AZGP1: variants seen among roughly 807,000 people sequenced by gnomAD.
AZGP1 encodes zinc-alpha-2-glycoprotein.
AZGP1 carries 28 observed loss-of-function variants against 31.5 expected under a neutral mutation model. That is an observed-to-expected ratio of 0.89 (90% CI 0.66 to 1.22). AZGP1 has a LOEUF of 1.22. Among genes scored for constraint, AZGP1 ranks in the 50% most tolerant of loss-of-function variants. The probability of loss-of-function intolerance (pLI) is 0.00; values close to 1 mark genes in which losing one functional copy is unlikely to be tolerated. For missense variants in AZGP1, 361 were observed against 371.8 expected (o/e 0.97, Z 0.24); for synonymous variants, 135 against 145.4 (o/e 0.93, Z 0.51).
At position 99,966,935 on chromosome 7, in the gene AZGP1, G is replaced by A. The variant is rs1395085105; in HGVS notation, c.*68C>T. On this transcript the variant is annotated 3_prime_UTR_variant, in exon 4 of 4. Transcript: ENST00000292401. ...CATTGACTGTGATTTCTGTGGTTCA[G>A]CTCCCACATCAGGCAGGAAGGGCAG... is the stretch of plus-strand genomic sequence containing the variant. 2.6e-6 allele frequency: 4 copies of A among 1,556,796 alleles called. No individual in the cohort carries two copies. The highest frequency in any genetic ancestry group is 2.0e-4 in the Middle Eastern group (1 of 4,920).
At chr7:99,970,884 G>C (rs1789565917) in intron 2 of AZGP1, among the ~76,000 whole-genome samples, 1 of 152,210 alleles carries the variant, frequency 6.6e-6, no homozygotes, top group African/African-American at 2.4e-5. Context: ...CCTGAGGTTG[G>C]CTGCCTTGGG....
intron 2 of AZGP1, among the ~76,000 whole-genome samples, chr7:99,970,793 A>G (rs543919933): frequency 6.6e-6 from 1 of 152,246 alleles, no homozygotes; most frequent in South Asian, 2.1e-4. Context: ...GATCCCATGT[A>G]GCACCTTGGG....
intron 2 of AZGP1, among the ~76,000 whole-genome samples, chr7:99,971,058 CCACA>C (rs1789569080): frequency 1.3e-5 from 2 of 152,144 alleles, no homozygotes; most frequent in Non-Finnish European, 2.9e-5. Flanking sequence ...CTCTAACAGC[CCACA>C]GTTTTGAATC....
chr7:99,968,202 G>A lies in AZGP1; in HGVS notation c.566C>T (p.Thr189Ile), dbSNP rs1349315826. ...KAYLEEECPA[T>I]LRKYLKYSKN... Reference sequence around the variant, plus strand: ...GCTGTATTTCAGGTATTTCCGCAGAGTCGCAGGGCACTCCTCCTCCAGGTA... The same window carrying A: ...GCTGTATTTCAGGTATTTCCGCAGAATCGCAGGGCACTCCTCCTCCAGGTA... The change falls in exon 3 of 4, where the codon ACT (threonine) becomes ATT (isoleucine). Residue 189 changes from threonine (T) to isoleucine (I), a missense_variant. Thr to Ile is a moderately conservative substitution (Grantham distance 89). Coordinates refer to ENST00000292401, the MANE Select transcript of AZGP1 (RefSeq NM_001185.4). The A allele has an allele frequency of 1.2e-6, 2 of 1,613,858 alleles. No individual in the cohort carries two copies. The highest frequency in any genetic ancestry group is 1.7e-6 in the Non-Finnish European group (2 of 1,179,982).
rs1171096488 is a variant in AZGP1, at chr7:99,971,759, G to A, written c.324C>T (p.Tyr108=). 1.9e-6 allele frequency: 3 copies of A among 1,613,870 alleles called. No individual in the cohort carries two copies. The African/African-American group carries it at 4.0e-5, about 22-fold the overall frequency. ...METLKDIVEY[Y]NDSNGSHVLQ... is the part of the protein sequence containing the mutation. ...TTATTCACTGACCGTTACTGTCGTT[G>A]TAATACTCCACGATGTCTTTCAGGG... Residue 108 remains tyrosine (Y), a synonymous_variant, in exon 2 of 4, where the codon TAC becomes TAT. Transcript: ENST00000292401.
chr7:99,973,258 T>G (rs1789609292), intron 1 of AZGP1, among the ~76,000 whole-genome samples: 1 of 152,082 alleles, frequency 6.6e-6, no homozygotes, highest in Admixed American at 6.5e-5. Context: ...AGCTCAGAAT[T>G]CCCGGGGTTG....
At position 99,968,151 on chromosome 7, in the gene AZGP1, G is replaced by C; in HGVS notation, c.613+4C>G. The C allele has an allele frequency of 6.2e-7, 1 of 1,613,848 alleles. No individual in the cohort carries two copies. The highest frequency in any genetic ancestry group is 8.5e-7 in the Non-Finnish European group (1 of 1,179,990). On this transcript the variant is annotated splice_donor_region_variant and intron_variant, in intron 3 of 3. Transcript: ENST00000292401. ...AGTACTGGGGAGCAGGAAGCAGTGA[G>C]TACCTTGCCGGTCCAGGATATTTTT...
In AZGP1 at chr7:99,966,762, T is replaced by A. The variant is rs552760615; in HGVS notation, c.*241A>T. ...CAAGGAGGGATGATTATTTATTAGC[T>A]TCTACAGATTAGACAATGGGGTGGG... On this transcript the variant is annotated 3_prime_UTR_variant, in exon 4 of 4. Transcript: ENST00000292401. 44 of 590,856 alleles carry A rather than the reference T, an allele frequency of 7.4e-5. No individual in the cohort carries two copies. The South Asian group carries it at 8.6e-4, about 11-fold the overall frequency. 36.6% of individuals were successfully genotyped at this position (590,856 alleles called of 1,614,324 possible). A position where few individuals can be genotyped will look rare whatever the true frequency, so the allele number is the denominator to read the frequency against.
Position 99,971,930 on chromosome 7 carries a change from G to A in AZGP1, c.153C>T (p.Gly51=), listed in dbSNP as rs766018614. 1 of 1,614,148 alleles carries A rather than the reference G, an allele frequency of 6.2e-7. No homozygotes were observed. Among genetic ancestry groups the A allele is most frequent in the Non-Finnish European group, 8.5e-7 (1 of 1,179,994 alleles). Residue 51 remains glycine (G), a synonymous_variant, in exon 2 of 4, where the codon GGC becomes GGT. Transcript: ENST00000292401. The stretch of plus-strand genomic sequence containing the variant: ...TAAAGAACTGGAGGTCATTGAGTGA[G>A]CCAAGGGCCTGAAACGCGGGGACGT... The part of the protein sequence containing the change: ...VEDVPAFQAL[G]SLNDLQFFRY...
At chr7:99,970,462 C>A (rs1011807054) in intron 2 of AZGP1, among the ~76,000 whole-genome samples, 1 of 151,998 alleles carries the variant, frequency 6.6e-6, no homozygotes, top group Non-Finnish European at 1.5e-5. Context: ...GGGCTGGTCT[C>A]GAACTCCTGA....
intron 2 of AZGP1, among the ~76,000 whole-genome samples, chr7:99,968,962 CAAAAAAA>C (rs869115613): frequency 3.0e-4 from 8 of 26,700 alleles, no homozygotes; most frequent in South Asian, 3.5e-3. Flanking sequence ...GACCCTATCT[CAAAAAAA>C]AAAAAAAAAA....
chr7:99,970,856 C>T lies in AZGP1; in HGVS notation c.337+890G>A, dbSNP rs200823928. ...TGACACCCACTCTATGATAATTTAA[C>T]ACCAGCAGTTCACCAGACCTGAGGT... is the stretch of plus-strand genomic sequence containing the variant. On this transcript the variant is annotated intron_variant, in intron 2 of 3. Coordinates refer to ENST00000292401, the MANE Select transcript of AZGP1 (RefSeq NM_001185.4). Among the ~76,000 whole-genome samples the T allele has an allele frequency of 2.0e-5, 3 of 152,224 alleles. No individual in the cohort carries two copies. The East Asian group carries it at 5.8e-4, about 29-fold the overall frequency.
At chr7:99,975,179 C>T (rs1435553733) in intron 1 of AZGP1, among the ~76,000 whole-genome samples, 2 of 151,622 alleles carry the variant, frequency 1.3e-5, no homozygotes, top group African/African-American at 4.9e-5. Context: ...TGTGTACCAC[C>T]TATTAGTTCT....
chr7:99,968,038 G>A (rs765423663), intron 3 of AZGP1, 117 bp downstream of exon 3: 1 of 1,321,718 alleles, frequency 7.6e-7, no homozygotes, highest in African/African-American at 1.5e-5. Context: ...ATGAAAGCTG[G>A]GGGTCTGAGG....
intron 2 of AZGP1, among the ~76,000 whole-genome samples, chr7:99,969,154 A>G (rs552267700): frequency 2.6e-5 from 4 of 151,966 alleles, no homozygotes; most frequent in Non-Finnish European, 5.9e-5. Flanking sequence ...CATGCCTGTA[A>G]TCCCAGCAGT....
intron 1 of AZGP1, among the ~76,000 whole-genome samples, chr7:99,974,327 C>G (rs963119977): frequency 1.3e-5 from 2 of 151,998 alleles, no homozygotes; most frequent in African/African-American, 4.8e-5. Flanking sequence ...GTTGCTGACA[C>G]CTGTAATCCC....
rs184730682 is a variant in AZGP1, at chr7:99,967,045, G to A, written c.855C>T (p.Ser285=). 27 of 1,614,186 alleles carry A rather than the reference G, an allele frequency of 1.7e-5. No individual in the cohort carries two copies. Among genetic ancestry groups the A allele is most frequent in the Middle Eastern group, 1.6e-4 (1 of 6,062 alleles). ...GCACCACGAGGGGCTGGGCCAGGCT[G>A]CTGTGCTGCACGTGGCAGGAGTAGG... ...TAPYSCHVQH[S]SLAQPLVVPW... The change falls in exon 4 of 4, where the codon AGC becomes AGT. Residue 285 remains serine (S), a synonymous_variant. Coordinates refer to ENST00000292401, the MANE Select transcript of AZGP1 (RefSeq NM_001185.4).
chr7:99,966,983 T>A lies in AZGP1; in HGVS notation c.*20A>T. On this transcript the variant is annotated 3_prime_UTR_variant, in exon 4 of 4. Coordinates refer to ENST00000292401, the MANE Select transcript of AZGP1 (RefSeq NM_001185.4). ...CAGCTACTGGGTCTGAGATCCCACA[T>A]TGCCTCCAACCCTTGCTTCCTAGCT... 6.2e-7 allele frequency: 1 copy of A among 1,607,814 alleles called. No homozygotes were observed. The highest frequency in any genetic ancestry group is 1.3e-5 in the African/African-American group (1 of 74,908).
At chr7:99,972,857 C>T (rs1789601523) in intron 1 of AZGP1, among the ~76,000 whole-genome samples, 1 of 152,056 alleles carries the variant, frequency 6.6e-6, no homozygotes, top group East Asian at 1.9e-4. Context: ...GTGGCTCACG[C>T]CTGTAATCCC....
Sources: allele counts gnomAD v4.1 joint callset (sites outside exome capture counted in the v4.1 genomes callset), GRCh38; gene constraint gnomAD v4.1.1; transcripts MANE v1.5; gene names NCBI Gene and HGNC (gene_info 2026-07-23, HGNC 2026-07-21).